The following WDTC1 variants were observed in gnomAD, a reference collection of about 807,000 sequenced individuals.
WDTC1 encodes the protein WD and tetratricopeptide repeats 1.
Under a neutral mutation model 76.0 loss-of-function variants are expected in WDTC1, and 12 were observed. That is an observed-to-expected ratio of 0.16 (90% CI 0.10 to 0.26). The LOEUF (loss-of-function observed/expected upper bound fraction) is 0.26. WDTC1 is among the 10% of genes least tolerant of loss of function. The pLI is 1.00. For synonymous variants in WDTC1, 326 were observed against 350.8 expected (o/e 0.93, Z 0.79); for missense variants, 511 against 908.8 (o/e 0.56, Z 5.63).
At chr1:27,246,642 A>C (rs1318171396) in intron 1 of WDTC1, among the ~76,000 whole-genome samples, 1 of 151,284 alleles carries the variant, frequency 6.6e-6, no homozygotes, top group Non-Finnish European at 1.5e-5. Context: ...GCTTACTGCA[A>C]CCTCCGCCTT....
chr1:27,258,060 A>T (rs965498223), intron 1 of WDTC1, among the ~76,000 whole-genome samples: 1 of 151,296 alleles, frequency 6.6e-6, no homozygotes, highest in Non-Finnish European at 1.5e-5. Context: ...AAGTGCTGAG[A>T]TTAAGGCATG....
At chr1:27,247,180 T>C (rs1158596902) in intron 1 of WDTC1, among the ~76,000 whole-genome samples, 1 of 150,170 alleles carries the variant, frequency 6.7e-6, no homozygotes, top group Admixed American at 6.6e-5. Flanking sequence ...CCTCAGCCTC[T>C]CGAGTAGCTG....
rs748773821 is a variant in WDTC1, at chr1:27,298,129, A to G, written c.1232+18A>G. On this transcript the variant is annotated intron_variant, in intron 12 of 15. Transcript: ENST00000319394. The stretch of plus-strand genomic sequence containing the variant: ...CGCAAGTGGTGAGTGGCCACTGCAG[A>G]GGGGATCTGGGTCAGGATGAGGGAG... The G allele has an allele frequency of 1.3e-6, 2 of 1,576,076 alleles. No homozygotes were observed. The highest frequency in any genetic ancestry group is 1.7e-6 in the Non-Finnish European group (2 of 1,155,458).
intron 1 of WDTC1, among the ~76,000 whole-genome samples, chr1:27,254,893 C>T (rs548612851): frequency 3.3e-5 from 5 of 151,862 alleles, no homozygotes; most frequent in Admixed American, 6.6e-5. Flanking sequence ...TCCCAAAGTG[C>T]TGGGATTACA....
chr1:27,305,508 T>C lies in WDTC1; in HGVS notation c.1836+315T>C, dbSNP rs778480154. On this transcript the variant is annotated intron_variant, in intron 15 of 15. Transcript: ENST00000319394. The surrounding 1 kb of genome is among the most constrained non-coding windows in gnomAD (Gnocchi z 4.6). The stretch of plus-strand genomic sequence containing the variant: ...CATCTCTGACCCAGGCTTTTAATCA[T>C]CTGTACATTGGGAATGGGAATGACA... Among the ~76,000 whole-genome samples, 1 of 152,144 alleles carries C rather than the reference T, an allele frequency of 6.6e-6. No individual in the cohort carries two copies. Among genetic ancestry groups the C allele is most frequent in the Non-Finnish European group, 1.5e-5 (1 of 68,026 alleles).
At chr1:27,304,283 T>A (rs2013901336) in intron 14 of WDTC1, 1 of 169,238 alleles carries the variant, frequency 5.9e-6, no homozygotes, top group Non-Finnish European at 1.2e-5. Flanking sequence ...TGTACTTTCT[T>A]TGGGTAGGTG....
intron 6 of WDTC1, among the ~76,000 whole-genome samples, chr1:27,288,973 C>CAGA (rs2013430547): frequency 1.1e-5 from 1 of 89,008 alleles, no homozygotes. Context: ...GCTGGCCGGG[C>CAGA]GGGGGGCTGA....
chr1:27,296,914 GA>G (rs2013707356), intron 10 of WDTC1, 133 bp from the exon 11 acceptor site: 7 of 736,188 alleles, frequency 9.5e-6, no homozygotes, highest in Non-Finnish European at 1.6e-5. Context: ...TGCTTTCTGG[GA>G]ATGGATCTTA....
chr1:27,283,401 G>A lies in WDTC1; in HGVS notation c.243G>A (p.Lys81=). The A allele has an allele frequency of 1.2e-6, 2 of 1,613,656 alleles. No individual in the cohort carries two copies. Among genetic ancestry groups the A allele is most frequent in the Non-Finnish European group, 1.7e-6 (2 of 1,180,028 alleles). Residue 81 remains lysine, a synonymous_variant, in exon 5 of 16, where the codon AAG becomes AAA. Coordinates refer to ENST00000319394, the MANE Select transcript of WDTC1 (RefSeq NM_001276252.2). ...TGTGGGACCCGCTGCACCACAAGAA[G>A]CTGCTCTCCATGCACACGGGACACA... The part of the protein sequence containing the change: ...TIVWDPLHHK[K]LLSMHTGHTA...
chr1:27,239,926 C>G (rs1409797829), intron 1 of WDTC1, among the ~76,000 whole-genome samples: 1 of 151,106 alleles, frequency 6.6e-6, no homozygotes, highest in Non-Finnish European at 1.5e-5. Context: ...GAGTTTTGCT[C>G]TTATTGCCCA....
chr1:27,280,918 T>C (rs1472004650), intron 3 of WDTC1, among the ~76,000 whole-genome samples: 1 of 152,222 alleles, frequency 6.6e-6, no homozygotes, highest in Non-Finnish European at 1.5e-5. Context: ...TCCTGTTTTT[T>C]TCTGGGTTTG....
At chr1:27,286,303 G>T (rs919294119) in intron 5 of WDTC1, among the ~76,000 whole-genome samples, 8 of 149,776 alleles carry the variant, frequency 5.3e-5, no homozygotes, top group Non-Finnish European at 7.4e-5. Flanking sequence ...GCACCTGGCC[G>T]GTTTTTTTTG....
intron 1 of WDTC1, among the ~76,000 whole-genome samples, chr1:27,240,731 C>CT (rs1056070484): frequency 2.7e-4 from 41 of 152,220 alleles, no homozygotes; most frequent in African/African-American, 9.4e-4. Flanking sequence ...AATCCCAGAA[C>CT]TTTGGGAGGC....
At chr1:27,304,961 G>T in intron 14 of WDTC1, 40 bp from the exon 15 acceptor site, 1 of 1,584,846 alleles carries the variant, frequency 6.3e-7, no homozygotes. Context: ...CTGTAGGGCA[G>T]TACCCCACCT....
intron 1 of WDTC1, among the ~76,000 whole-genome samples, chr1:27,242,335 G>T (rs185194957): frequency 6.6e-6 from 1 of 152,288 alleles, no homozygotes; most frequent in Admixed American, 6.5e-5. Context: ...CAGGCATGGT[G>T]ATTTGCACCT....
chr1:27,270,531 A>G (rs1323997637), intron 3 of WDTC1, among the ~76,000 whole-genome samples: 1 of 152,074 alleles, frequency 6.6e-6, no homozygotes, highest in Non-Finnish European at 1.5e-5. Flanking sequence ...TGTCTCTACT[A>G]AAAATACAAA....
At position 27,306,037 on chromosome 1, in the gene WDTC1, C is replaced by A; in HGVS notation, c.1837-149C>A. 1 of 876,076 alleles carries A rather than the reference C, an allele frequency of 1.1e-6. No individual in the cohort carries two copies. 54.3% of individuals were successfully genotyped at this position (876,076 alleles called of 1,614,324 possible). ...AATATGTAGCCAAGGTTGTGTGTTC[C>A]CCTCCACCATATACACCTCCTGGCA... On this transcript the variant is annotated intron_variant, in intron 15 of 15. Coordinates refer to ENST00000319394, the MANE Select transcript of WDTC1 (RefSeq NM_001276252.2). The surrounding 1 kb of genome is among the most constrained non-coding windows in gnomAD (Gnocchi z 5.0).
rs1462090420 is a variant in WDTC1 at position 27,305,620 on chromosome 1, C to A, written c.1836+427C>A. On this transcript the variant is annotated intron_variant, in intron 15 of 15. Transcript: ENST00000319394. The surrounding 1 kb of genome is among the most constrained non-coding windows in gnomAD (Gnocchi z 4.6). Reference sequence around the variant, plus strand: ...ACAAGGACACTTAGGACAGTGGAGTCCCCTCCACTCCCAGGGTGGGTAGCC... The same window carrying A: ...ACAAGGACACTTAGGACAGTGGAGTACCCTCCACTCCCAGGGTGGGTAGCC... 6.6e-6 allele frequency among the ~76,000 whole-genome samples: 1 copy of A among 152,168 alleles called. No homozygotes were observed. The highest frequency in any genetic ancestry group is 1.9e-4 in the East Asian group (1 of 5,194).
intron 3 of WDTC1, among the ~76,000 whole-genome samples, chr1:27,281,786 C>T (rs1299262919): frequency 1.3e-5 from 2 of 151,932 alleles, no homozygotes; most frequent in Non-Finnish European, 2.9e-5. Context: ...GATGGGGTTT[C>T]GCCGTGTTGC....
Sources: allele counts gnomAD v4.1 joint callset (sites outside exome capture counted in the v4.1 genomes callset), GRCh38; gene constraint gnomAD v4.1.1; non-coding constraint Gnocchi (gnomAD v3.1); transcripts MANE v1.5; gene names NCBI Gene and HGNC (gene_info 2026-07-23, HGNC 2026-07-21).